PREX1: variants seen among roughly 807,000 people sequenced by gnomAD.
The protein encoded by PREX1 is phosphatidylinositol 3,4,5-trisphosphate-dependent Rac exchanger 1 protein.
Under a neutral mutation model 198.3 loss-of-function variants are expected in PREX1, and 41 were observed. The observed-to-expected ratio is 0.21, with a 90% CI of 0.16 to 0.27. The LOEUF (loss-of-function observed/expected upper bound fraction) is 0.27. PREX1 is among the 10% of genes least tolerant of loss of function. PREX1 has a pLI of 1.00. For synonymous variants in PREX1, 843 were observed against 887.2 expected (o/e 0.95, Z 0.89); for missense variants, 1,620 against 2,200.7 (o/e 0.74, Z 5.28).
intron 4 of PREX1, among the ~76,000 whole-genome samples, chr20:48,731,065 T>C (rs1480352821): frequency 6.6e-6 from 1 of 152,152 alleles, no homozygotes; most frequent in Non-Finnish European, 1.5e-5. Flanking sequence ...CTTCATTACC[T>C]GGTTTCTTTC....
In PREX1 at chr20:48,629,514, G is replaced by C. The variant is rs2089297323; in HGVS notation, c.4701C>G (p.Ile1567Met). The C allele has an allele frequency of 3.7e-6, 6 of 1,614,028 alleles. No homozygotes were observed. The highest frequency in any genetic ancestry group is 1.3e-5 in the African/African-American group (1 of 74,952). ...CCAGGCGGTAGCAGAGCTCCGAGGA[G>C]ATGGGGATGAGGCCGGCGCCCACAC... ...AGSVGAGLIP[I>M]SSELCYRLGA... is the part of the protein sequence containing the mutation. The change falls in exon 37 of 40, where the codon ATC (isoleucine) becomes ATG (methionine). Residue 1567 changes from isoleucine to methionine, a missense_variant. By Grantham distance (10) the Ile-to-Met change is conservative. Around this residue, in one of 7 missense-constraint regions of PREX1, gnomAD observed 476 missense variants for 603.4 expected, o/e 0.79. Coordinates refer to ENST00000371941, the MANE Select transcript of PREX1 (RefSeq NM_020820.4).
chr20:48,671,966 A>G (rs1203681774), intron 14 of PREX1, among the ~76,000 whole-genome samples: 1 of 152,196 alleles, frequency 6.6e-6, no homozygotes, highest in Non-Finnish European at 1.5e-5. Context: ...ACTTGCAACA[A>G]GATGCGGGTG....
intron 1 of PREX1, among the ~76,000 whole-genome samples, chr20:48,813,198 T>A (rs2090444150): frequency 6.6e-6 from 1 of 152,176 alleles, no homozygotes; most frequent in African/African-American, 2.4e-5. Flanking sequence ...GGAACAAGTC[T>A]ATGAGGTAGG....
chr20:48,708,228 G>T, intron 6 of PREX1, 32 bp downstream of exon 6: 1 of 1,607,098 alleles, frequency 6.2e-7, no homozygotes, highest in Non-Finnish European at 8.5e-7. Context: ...GCCCCCTGCG[G>T]CCCAGGAAGC....
At chr20:48,843,149 AT>A in the PREX1 span, among the ~76,000 whole-genome samples, 1 of 152,202 alleles carries the variant, frequency 6.6e-6, no homozygotes, top group Admixed American at 6.5e-5. Flanking sequence ...TAGTTTCCGT[AT>A]TACTCAATGA....
At chr20:48,659,269 CGA>C (rs141388612) in intron 16 of PREX1, among the ~76,000 whole-genome samples, 1,443 of 89,886 alleles carry the variant, frequency 0.016, 25 homozygotes, top group African/African-American at 0.053. Flanking sequence ...AGGACGGGCA[CGA>C]GAGAGAGAGA....
the PREX1 span, among the ~76,000 whole-genome samples, chr20:48,841,122 T>C: frequency 2.6e-5 from 4 of 152,142 alleles, no homozygotes; most frequent in Non-Finnish European, 5.9e-5. Flanking sequence ...GGTTTCACTA[T>C]GTTGCCCAGG....
At chr20:48,801,783 A>G (rs2090388155) in intron 1 of PREX1, among the ~76,000 whole-genome samples, 1 of 152,170 alleles carries the variant, frequency 6.6e-6, no homozygotes, top group Non-Finnish European at 1.5e-5. Flanking sequence ...GCAGGGTCGC[A>G]TGGGAGGTGT....
chr20:48,773,126 G>A (rs553253871), intron 1 of PREX1, among the ~76,000 whole-genome samples: 1 of 152,164 alleles, frequency 6.6e-6, no homozygotes, highest in African/African-American at 2.4e-5. Flanking sequence ...AATTATCTGG[G>A]TGAGGTGGCA....
At chr20:48,788,585 C>G (rs962250460) in intron 1 of PREX1, among the ~76,000 whole-genome samples, 1 of 152,214 alleles carries the variant, frequency 6.6e-6, no homozygotes, top group African/African-American at 2.4e-5. Context: ...CTACCTGAAG[C>G]TGTAGGTCTA....
At chr20:48,776,666 T>C (rs1297692528) in intron 1 of PREX1, among the ~76,000 whole-genome samples, 1 of 152,176 alleles carries the variant, frequency 6.6e-6, no homozygotes, top group East Asian at 1.9e-4. Context: ...CTACTTAGTG[T>C]CCAGTCACTG....
At chr20:48,737,440 G>T (rs2090061962) in intron 3 of PREX1, among the ~76,000 whole-genome samples, 1 of 152,106 alleles carries the variant, frequency 6.6e-6, no homozygotes, top group South Asian at 2.1e-4. Context: ...CATCTGTTGA[G>T]GTCACTGCTG....
the PREX1 span, among the ~76,000 whole-genome samples, chr20:48,881,011 C>CAAAAAAAAAAAAAAA: frequency 2.7e-5 from 2 of 73,196 alleles, no homozygotes; most frequent in African/African-American, 1.3e-4. Context: ...AAAAAAAAAG[C>CAAAAAAAAAAAAAAA]TTCTTTTCTC....
intron 1 of PREX1, among the ~76,000 whole-genome samples, chr20:48,764,161 C>T (rs560563044): frequency 2.5e-4 from 38 of 152,182 alleles, no homozygotes; most frequent in Admixed American, 5.9e-4. Context: ...CCAAGCTCCA[C>T]AAGGGAAGAA....
chr20:48,731,263 G>GT (rs1416114697), intron 4 of PREX1, among the ~76,000 whole-genome samples: 5 of 151,912 alleles, frequency 3.3e-5, no homozygotes, highest in African/African-American at 1.2e-4. Context: ...CACATCCCTG[G>GT]TTACATGTCA....
chr20:48,873,445 A>G, the PREX1 span, among the ~76,000 whole-genome samples: 1 of 150,898 alleles, frequency 6.6e-6, no homozygotes, highest in African/African-American at 2.4e-5. Context: ...GCAGTGGCTC[A>G]CTCCTGTAAT....
intron 1 of PREX1, among the ~76,000 whole-genome samples, chr20:48,813,971 A>G (rs2079000455): frequency 6.6e-6 from 1 of 152,172 alleles, no homozygotes; most frequent in Admixed American, 6.5e-5. Context: ...AAACCACCCA[A>G]TCAACAGCTT....
At chr20:48,829,300 T>G (rs757840788), upstream of PREX1, among the ~76,000 whole-genome samples, 2 of 152,246 alleles carry the variant, frequency 1.3e-5, no homozygotes, top group Non-Finnish European at 2.9e-5. Flanking sequence ...GTATCGTCTC[T>G]GCAGGGGATA....
At chr20:48,838,006 A>T in the PREX1 span, among the ~76,000 whole-genome samples, 1 of 152,238 alleles carries the variant, frequency 6.6e-6, no homozygotes, top group Non-Finnish European at 1.5e-5. Flanking sequence ...TGTAGGTATG[A>T]TTCCATTTAT....
Sources: allele counts gnomAD v4.1 joint callset (sites outside exome capture counted in the v4.1 genomes callset), GRCh38; gene constraint gnomAD v4.1.1; regional missense constraint gnomAD v4.1.1; transcripts MANE v1.5; gene names NCBI Gene and HGNC (gene_info 2026-07-23, HGNC 2026-07-21).